BCR: variants seen among roughly 807,000 people sequenced by gnomAD.
BCR encodes the protein BCR activator of RhoGEF and GTPase.
BCR carries 58 observed loss-of-function variants against 138.6 expected under a neutral mutation model. The ratio of observed to expected loss-of-function variants is 0.42; its 90% CI spans 0.34 to 0.52. The LOEUF (loss-of-function observed/expected upper bound fraction) is 0.52, where lower values mean the gene tolerates loss of function less well. BCR is among the 20% of genes least tolerant of loss of function. The probability of loss-of-function intolerance (pLI) is 0.06; values close to 1 mark genes in which losing one functional copy is unlikely to be tolerated. For missense variants in BCR, 1,599 were observed against 1,727.2 expected, an observed-to-expected ratio of 0.93 and a Z score of 1.32; for synonymous variants, 786 against 730.1, an observed-to-expected ratio of 1.08 and a Z score of -1.23.
intron 1 of BCR, among the ~76,000 whole-genome samples, chr22:23,225,510 G>C (rs534198657): frequency 3.0e-4 from 46 of 152,318 alleles, no homozygotes; most frequent in African/African-American, 1.1e-3. Flanking sequence ...CCCAAGCTCA[G>C]TCTCCTTCAG....
intron 8 of BCR, among the ~76,000 whole-genome samples, chr22:23,274,306 C>G (rs184163528): frequency 1.3e-5 from 2 of 152,270 alleles, no homozygotes; most frequent in African/African-American, 2.4e-5. Flanking sequence ...CCCCTTCCCC[C>G]CCGTCACTGA....
chr22:23,212,341 A>G (rs1380382964), intron 1 of BCR, among the ~76,000 whole-genome samples: 2 of 152,114 alleles, frequency 1.3e-5, no homozygotes, highest in African/African-American at 4.8e-5. Flanking sequence ...GGATCCCTTC[A>G]CTGTCCATAG....
intron 4 of BCR, among the ~76,000 whole-genome samples, chr22:23,262,529 C>T (rs2146276916): frequency 6.6e-6 from 1 of 152,358 alleles, no homozygotes. Context: ...TTGATACATG[C>T]TGCCCCCTCC....
intron 1 of BCR, among the ~76,000 whole-genome samples, chr22:23,233,305 C>T (rs1412248889): frequency 6.6e-6 from 1 of 152,230 alleles, no homozygotes; most frequent in Non-Finnish European, 1.5e-5. Flanking sequence ...CGGCCTTTCT[C>T]CTGGTGGAAG....
At chr22:23,243,203 G>A (rs905374787) in intron 1 of BCR, among the ~76,000 whole-genome samples, 1 of 152,134 alleles carries the variant, frequency 6.6e-6, no homozygotes, top group Non-Finnish European at 1.5e-5. Flanking sequence ...ATGCTAATGA[G>A]GTGATGCTTG....
intron 1 of BCR, among the ~76,000 whole-genome samples, chr22:23,193,394 C>G (rs1026246428): frequency 6.6e-6 from 1 of 152,238 alleles, no homozygotes; most frequent in Non-Finnish European, 1.5e-5. Context: ...GTGGGAGTAG[C>G]GGGTGCAGAC....
intron 4 of BCR, chr22:23,262,672 G>A (rs1481694350): frequency 4.7e-6 from 3 of 644,260 alleles, no homozygotes; most frequent in South Asian, 1.4e-4. Flanking sequence ...AGGGCCGCTG[G>A]GTGTGGGGCC....
intron 1 of BCR, among the ~76,000 whole-genome samples, chr22:23,248,615 C>A (rs765931955): frequency 1.3e-5 from 2 of 152,082 alleles, no homozygotes; most frequent in Non-Finnish European, 2.9e-5. Context: ...GGTTGCTAAG[C>A]AAACTGCCTG....
intron 1 of BCR, among the ~76,000 whole-genome samples, chr22:23,239,731 G>C (rs1483357504): frequency 1.3e-5 from 2 of 152,148 alleles, no homozygotes; most frequent in Non-Finnish European, 2.9e-5. Context: ...ATGTTGGCTG[G>C]GTTGGATCCT....
chr22:23,235,870 A>G (rs1244343884), intron 1 of BCR, among the ~76,000 whole-genome samples: 1 of 152,128 alleles, frequency 6.6e-6, no homozygotes, highest in East Asian at 1.9e-4. Context: ...TCAAAAGGGC[A>G]CTAATCCCCT....
intron 16 of BCR, among the ~76,000 whole-genome samples, chr22:23,299,939 G>T (rs764741413): frequency 6.6e-6 from 1 of 152,124 alleles, no homozygotes; most frequent in Non-Finnish European, 1.5e-5. Flanking sequence ...GGACTCCCAC[G>T]TGCATCCCTG....
At chr22:23,263,958 G>A in intron 4 of BCR, 2 of 900,382 alleles carry the variant, frequency 2.2e-6, no homozygotes, top group Non-Finnish European at 3.8e-6. Context: ...CCTCAACAGT[G>A]GGCAGCTGAT....
intron 1 of BCR, among the ~76,000 whole-genome samples, chr22:23,252,819 A>G (rs1456119204): frequency 6.6e-6 from 1 of 152,182 alleles, no homozygotes; most frequent in Non-Finnish European, 1.5e-5. Flanking sequence ...CAGAACACTT[A>G]TGTGACCAAA....
intron 1 of BCR, among the ~76,000 whole-genome samples, chr22:23,209,224 G>T (rs1375896016): frequency 6.6e-6 from 1 of 151,906 alleles, no homozygotes; most frequent in Admixed American, 6.5e-5. Context: ...ACCGGGTGTG[G>T]TGGCACACGC....
At chr22:23,264,441 C>A (rs1462712175) in intron 4 of BCR, 1 of 675,134 alleles carries the variant, frequency 1.5e-6, no homozygotes, top group African/African-American at 1.8e-5. Context: ...AGTGATAGTT[C>A]CTCCCCACTG....
At position 23,181,883 on chromosome 22, in the gene BCR, G is replaced by A. The variant is rs750811897; in HGVS notation, c.923G>A (p.Arg308His). The A allele has an allele frequency of 1.2e-6, 2 of 1,613,304 alleles. No homozygotes were observed. Among genetic ancestry groups the A allele is most frequent in the Middle Eastern group, 3.3e-4 (2 of 6,060 alleles). The change falls in exon 1 of 23, where the codon CGC becomes CAC. Residue 308 changes from arginine to histidine, a missense_variant. Around this residue, in one of 4 missense-constraint regions of BCR, gnomAD observed 806 missense variants for 635.0 expected, o/e 1.27. Coordinates refer to ENST00000305877, the MANE Select transcript of BCR (RefSeq NM_004327.4). ...RSQSTSEQEK[R>H]LTWPRRSYSP... ...CAGAGCACCTCTGAGCAGGAGAAGC[G>A]CCTTACCTGGCCCCGCAGGTCCTAC...
At chr22:23,202,631 C>T (rs1264078922) in intron 1 of BCR, among the ~76,000 whole-genome samples, 3 of 152,094 alleles carry the variant, frequency 2.0e-5, no homozygotes, top group Admixed American at 1.3e-4. Context: ...CTTTTTGTGA[C>T]TTATTTCACA....
At chr22:23,206,145 C>G (rs761401600) in intron 1 of BCR, among the ~76,000 whole-genome samples, 1 of 152,184 alleles carries the variant, frequency 6.6e-6, no homozygotes, top group Admixed American at 6.5e-5. Flanking sequence ...CTGCTGCTTC[C>G]CAGGGCTGAA....
intron 2 of BCR, among the ~76,000 whole-genome samples, chr22:23,257,397 C>T (rs1030784145): frequency 1.3e-5 from 2 of 152,264 alleles, no homozygotes; most frequent in African/African-American, 4.8e-5. Flanking sequence ...GTGCTCCCAC[C>T]CACGCCGGCA....
Sources: gnomAD v4.1 joint callset for allele counts (sites outside exome capture counted in the v4.1 genomes callset) on GRCh38, gnomAD v4.1.1 for gene constraint, gnomAD v4.1.1 regional missense constraint, MANE v1.5 for transcripts, NCBI Gene and HGNC (gene_info 2026-07-23, HGNC 2026-07-21) for gene names.